GALNT13: variants seen among roughly 807,000 people sequenced by gnomAD.
GALNT13 encodes polypeptide N-acetylgalactosaminyltransferase 13.
In GALNT13, 28 loss-of-function variants were observed where a neutral mutation model predicts 64.2. That is an observed-to-expected ratio of 0.44 (90% CI 0.32 to 0.60). The LOEUF is 0.60. GALNT13 is among the 20% of genes least tolerant of loss of function. The probability of loss-of-function intolerance (pLI) is 0.05; values close to 1 mark genes in which losing one functional copy is unlikely to be tolerated. For synonymous variants in GALNT13, 214 were observed against 224.6 expected, an observed-to-expected ratio of 0.95 and a Z score of 0.42; for missense variants, 577 against 669.8, an observed-to-expected ratio of 0.86 and a Z score of 1.53.
the GALNT13 span, among the ~76,000 whole-genome samples, chr2:153,486,128 G>A: frequency 6.6e-6 from 1 of 152,018 alleles, no homozygotes; most frequent in Non-Finnish European, 1.5e-5. Flanking sequence ...GGTAAAGACA[G>A]GGTCTCACCA....
At chr2:154,301,176 G>A (rs373126040) in intron 8 of GALNT13, among the ~76,000 whole-genome samples, 111 of 152,224 alleles carry the variant, frequency 7.3e-4, no homozygotes, top group African/African-American at 2.6e-3. Context: ...CTAATAAAGA[G>A]ACATACATTA....
chr2:153,742,718 G>C, the GALNT13 span, among the ~76,000 whole-genome samples: 1 of 152,006 alleles, frequency 6.6e-6, no homozygotes, highest in African/African-American at 2.4e-5. Flanking sequence ...AATGGCTCCA[G>C]CTCCTCCCAT....
intron 2 of GALNT13, among the ~76,000 whole-genome samples, chr2:153,942,849 GT>G (rs554689608): frequency 9.3e-4 from 142 of 152,254 alleles, no homozygotes; most frequent in African/African-American, 3.2e-3. Context: ...CAGAATTTCT[GT>G]TGCTTTATGG....
intron 3 of GALNT13, among the ~76,000 whole-genome samples, chr2:154,006,407 C>G (rs1558903013): frequency 6.6e-6 from 1 of 152,106 alleles, no homozygotes; most frequent in Non-Finnish European, 1.5e-5. Flanking sequence ...AATAATTCAT[C>G]ACAAATTTAA....
At chr2:153,757,405 C>A in the GALNT13 span, among the ~76,000 whole-genome samples, 5 of 152,224 alleles carry the variant, frequency 3.3e-5, no homozygotes, top group Non-Finnish European at 7.4e-5. Context: ...ACGTTTTTGT[C>A]CATTAATTGA....
intron 3 of GALNT13, among the ~76,000 whole-genome samples, chr2:153,955,313 C>T (rs559670537): frequency 3.9e-4 from 59 of 152,170 alleles, no homozygotes; most frequent in African/African-American, 1.3e-3. Flanking sequence ...GAAAGTGGTA[C>T]CTGCTGTAAG....
At chr2:153,794,127 A>T in the GALNT13 span, among the ~76,000 whole-genome samples, 1 of 152,216 alleles carries the variant, frequency 6.6e-6, no homozygotes. Context: ...GGGCAGTTTT[A>T]ATCTTGAAAT....
In GALNT13 at chr2:154,214,789, G is replaced by A. The variant is rs113150246; in HGVS notation, c.312-27241G>A. 6.7e-3 allele frequency among the ~76,000 whole-genome samples: 1,026 copies of A among 152,164 alleles called. 9 individuals are homozygous for A. Among genetic ancestry groups the A allele is most frequent in the African/African-American group, 0.024 (992 of 41,522 alleles). ...AACCTCTTGCCTTTATAAATTACTC[G>A]GTCTCAGGCAGTTATTTATAGCAGT... On this transcript the variant is annotated intron_variant, in intron 4 of 12. Transcript: ENST00000392825.
chr2:153,646,650 C>T, the GALNT13 span, among the ~76,000 whole-genome samples: 1 of 151,980 alleles, frequency 6.6e-6, no homozygotes, highest in African/African-American at 2.4e-5. Context: ...GTGCGATGTT[C>T]CCCTTCCTGT....
chr2:153,646,443 CT>C, the GALNT13 span, among the ~76,000 whole-genome samples: 21,830 of 142,986 alleles, frequency 0.15, 2,075 homozygotes, highest in East Asian at 0.49. Context: ...AATTATTTCT[CT>C]TTTTTTTCTT....
the GALNT13 span, among the ~76,000 whole-genome samples, chr2:153,528,319 A>C: frequency 6.6e-6 from 1 of 152,028 alleles, no homozygotes; most frequent in Non-Finnish European, 1.5e-5. Context: ...CAAAAACTAT[A>C]AGAAGATACA....
At chr2:153,921,062 G>A (rs781073441) in intron 2 of GALNT13, among the ~76,000 whole-genome samples, 3 of 152,138 alleles carry the variant, frequency 2.0e-5, no homozygotes, top group Admixed American at 1.3e-4. Flanking sequence ...GGAAAACAGT[G>A]TAATGATTTC....
Position 153,972,135 on chromosome 2 carries a change from C to A in GALNT13, c.142+27496C>A, listed in dbSNP as rs375448643. ...TCTGGAGGGAGTGCAGCCCTGCTGACATCCTGATTTTGCACTTCTAGCCTC... is the reference window on the plus strand; with the variant it reads ...TCTGGAGGGAGTGCAGCCCTGCTGAAATCCTGATTTTGCACTTCTAGCCTC... On this transcript the variant is annotated intron_variant, in intron 3 of 12. Coordinates refer to ENST00000392825, the MANE Select transcript of GALNT13 (RefSeq NM_052917.4). Among the ~76,000 whole-genome samples the A allele has an allele frequency of 3.9e-5, 6 of 152,164 alleles. No individual in the cohort carries two copies. The East Asian group carries it at 9.7e-4, about 24-fold the overall frequency.
chr2:154,305,380 T>TG (rs386391549), intron 9 of GALNT13, among the ~76,000 whole-genome samples: 1 of 151,804 alleles, frequency 6.6e-6, no homozygotes, highest in Admixed American at 6.6e-5. Flanking sequence ...ATAATACACA[T>TG]GCACACACAA....
intron 9 of GALNT13, among the ~76,000 whole-genome samples, chr2:154,379,332 A>G (rs1001289256): frequency 2.0e-5 from 3 of 152,054 alleles, no homozygotes; most frequent in African/African-American, 7.2e-5. Flanking sequence ...CTAGATTTTC[A>G]TAAACCAGGT....
chr2:153,563,209 T>C, the GALNT13 span, among the ~76,000 whole-genome samples: 25,646 of 151,992 alleles, frequency 0.17, 2,854 homozygotes, highest in East Asian at 0.33. Flanking sequence ...AATTTTGTTT[T>C]CCCTTAAAAA....
At chr2:153,662,969 G>C in the GALNT13 span, among the ~76,000 whole-genome samples, 1 of 152,142 alleles carries the variant, frequency 6.6e-6, no homozygotes. Flanking sequence ...TCCTGTAGCA[G>C]CCTTTTCAAG....
chr2:153,555,179 CAGA>C, the GALNT13 span, among the ~76,000 whole-genome samples: 1 of 147,616 alleles, frequency 6.8e-6, no homozygotes, highest in East Asian at 2.0e-4. Flanking sequence ...TAATGTGAAA[CAGA>C]AGCTTTACTT....
At chr2:153,767,744 GTCTTCCTTT>G in the GALNT13 span, among the ~76,000 whole-genome samples, 1 of 149,962 alleles carries the variant, frequency 6.7e-6, no homozygotes, top group South Asian at 2.1e-4. Context: ...CCACTTGTAT[GTCTTCCTTT>G]GAAAATAGTG....
Sources: gnomAD v4.1 joint callset for allele counts (sites outside exome capture counted in the v4.1 genomes callset) on GRCh38, gnomAD v4.1.1 for gene constraint, MANE v1.5 for transcripts, NCBI Gene and HGNC (gene_info 2026-07-23, HGNC 2026-07-21) for gene names.